ECPAS: variants seen among roughly 807,000 people sequenced by gnomAD.
ECPAS encodes proteasome adapter and scaffold protein ECM29.
A neutral mutation model predicts 255.1 loss-of-function variants in ECPAS; 70 were observed. The ratio of observed to expected loss-of-function variants is 0.27; its 90% CI spans 0.23 to 0.33. ECPAS has a LOEUF of 0.33. ECPAS is among the 10% of genes least tolerant of loss of function. The pLI, the probability that ECPAS is intolerant of heterozygous loss-of-function variation, is 1.00. For missense variants in ECPAS, 1,817 were observed against 2,206.4 expected (o/e 0.82, Z 3.54); for synonymous variants, 784 against 775.0 (o/e 1.01, Z -0.19).
intron 2 of ECPAS, among the ~76,000 whole-genome samples, chr9:111,456,979 A>G (rs2098267762): frequency 6.6e-6 from 1 of 152,256 alleles, no homozygotes; most frequent in Non-Finnish European, 1.5e-5. Context: ...AAAGTCTGAA[A>G]AAGGGAATGG....
chr9:111,375,673 A>G (rs1004772375), intron 37 of ECPAS, among the ~76,000 whole-genome samples: 8 of 152,168 alleles, frequency 5.3e-5, no homozygotes, highest in Non-Finnish European at 1.2e-4. Flanking sequence ...AATGAATATA[A>G]CTAAATGGTA....
intron 1 of ECPAS, among the ~76,000 whole-genome samples, chr9:111,479,393 C>T (rs764156138): frequency 6.6e-6 from 1 of 151,810 alleles, no homozygotes; most frequent in African/African-American, 2.4e-5. Flanking sequence ...GTCAGGAGGT[C>T]GAGACCAGCC....
intron 6 of ECPAS, among the ~76,000 whole-genome samples, chr9:111,437,998 T>C (rs1031199856): frequency 6.6e-5 from 10 of 152,220 alleles, no homozygotes; most frequent in Non-Finnish European, 1.3e-4. Context: ...GATAGGATAG[T>C]AAGTTATTCC....
chr9:111,381,327 C>G (rs886312289), intron 35 of ECPAS, among the ~76,000 whole-genome samples: 3 of 152,212 alleles, frequency 2.0e-5, no homozygotes, highest in Non-Finnish European at 2.9e-5. Context: ...GTGGAGCAAT[C>G]AGGACACACA....
At chr9:111,462,443 G>A (rs968360016) in intron 2 of ECPAS, among the ~76,000 whole-genome samples, 1 of 152,056 alleles carries the variant, frequency 6.6e-6, no homozygotes, top group East Asian at 1.9e-4. Flanking sequence ...ATGGAAGTAG[G>A]AGATACTAAA....
At position 111,420,852 on chromosome 9, in the gene ECPAS, A is replaced by C. The variant is rs143885333; in HGVS notation, c.1456-732T>G. ...TTTAGCAGTCCTTGAACTACATTAAAGAGTGAGGATATTAAAGACTAGCCT... is the reference window on the plus strand; with the variant it reads ...TTTAGCAGTCCTTGAACTACATTAACGAGTGAGGATATTAAAGACTAGCCT... On this transcript the variant is annotated intron_variant, in intron 15 of 49. Coordinates refer to ENST00000684092, the MANE Select transcript of ECPAS (RefSeq NM_001364929.1). Among the ~76,000 whole-genome samples, 293 of 152,310 alleles carry C rather than the reference A, an allele frequency of 1.9e-3. 1 individual carries two copies. Among genetic ancestry groups the C allele is most frequent in the African/African-American group, 6.8e-3 (283 of 41,568 alleles).
chr9:111,386,075 TG>T (rs2098147924), intron 32 of ECPAS, among the ~76,000 whole-genome samples: 1 of 152,218 alleles, frequency 6.6e-6, no homozygotes, highest in South Asian at 2.1e-4. Flanking sequence ...GCGATTCTCC[TG>T]CCTCAGCCTC....
intron 48 of ECPAS, among the ~76,000 whole-genome samples, chr9:111,364,101 G>A (rs2098117375): frequency 1.3e-5 from 2 of 152,134 alleles, no homozygotes; most frequent in Non-Finnish European, 2.9e-5. Flanking sequence ...AGGTCTGTTG[G>A]CTGCCTGTTC....
In ECPAS at chr9:111,375,098, GGAAAGTA is replaced by G. The variant is rs766022015; in HGVS notation, c.4110+8_4110+14del. On this transcript the variant is annotated splice_region_variant and intron_variant, in intron 38 of 49. Transcript: ENST00000684092. ...AATGAAGATGCACATTTCCTCTTGT[GGAAAGTA>G]CACTTACCTTAGTTCCAAGACCTAC... 1 of 1,585,882 alleles carries G rather than the reference GGAAAGTA, an allele frequency of 6.3e-7. No individual in the cohort carries two copies. Among genetic ancestry groups the G allele is most frequent in the East Asian group, 2.2e-5 (1 of 44,612 alleles).
At chr9:111,474,776 A>G (rs2098294201) in intron 1 of ECPAS, among the ~76,000 whole-genome samples, 1 of 152,220 alleles carries the variant, frequency 6.6e-6, no homozygotes, top group Non-Finnish European at 1.5e-5. Context: ...ACATACATTA[A>G]TCCTAACAAT....
At chr9:111,468,498 G>A (rs964254901) in intron 2 of ECPAS, among the ~76,000 whole-genome samples, 17 of 152,088 alleles carry the variant, frequency 1.1e-4, no homozygotes, top group Non-Finnish European at 2.1e-4. Context: ...AGTTACTGCC[G>A]AGAGAAGGAA....
rs189566157 is a variant in ECPAS, at chr9:111,404,443, C to A, written c.2652+4128G>T. 2.0e-5 allele frequency among the ~76,000 whole-genome samples: 3 copies of A among 149,290 alleles called. 1 individual carries two copies. Among genetic ancestry groups the A allele is most frequent in the East Asian group, 4.1e-4 (2 of 4,932 alleles). On this transcript the variant is annotated intron_variant, in intron 24 of 49. Transcript: ENST00000684092. Reference sequence around the variant, plus strand: ...GATATGCTTTGGATTTGTGTCCCTGCCCAAATCTCATGACTGAATCGTAAT... The same window carrying A: ...GATATGCTTTGGATTTGTGTCCCTGACCAAATCTCATGACTGAATCGTAAT...
intron 15 of ECPAS, 23 bp from the exon 16 acceptor site, chr9:111,420,143 C>A: frequency 6.7e-7 from 1 of 1,496,504 alleles, no homozygotes; most frequent in Non-Finnish European, 9.2e-7. Context: ...TAAACATACA[C>A]AGACCACCCC....
At chr9:111,364,726 T>C (rs1036963966) in intron 48 of ECPAS, among the ~76,000 whole-genome samples, 1 of 152,224 alleles carries the variant, frequency 6.6e-6, no homozygotes, top group East Asian at 1.9e-4. Flanking sequence ...AGAGAAAAAC[T>C]GATAGTACCT....
chr9:111,414,926 G>A (rs1351734642), intron 18 of ECPAS, among the ~76,000 whole-genome samples: 5 of 152,106 alleles, frequency 3.3e-5, no homozygotes, highest in African/African-American at 4.8e-5. Flanking sequence ...GCAAACTAAC[G>A]CAGGAACAGA....
At chr9:111,469,880 G>A (rs2098284787) in intron 2 of ECPAS, among the ~76,000 whole-genome samples, 1 of 152,010 alleles carries the variant, frequency 6.6e-6, no homozygotes, top group Non-Finnish European at 1.5e-5. Flanking sequence ...TTTGTAAAGA[G>A]TTACCCCCAT....
In ECPAS at chr9:111,394,095, T is replaced by A; in HGVS notation, c.2922+65A>T. 4.1e-6 allele frequency: 6 copies of A among 1,457,458 alleles called. No homozygotes were observed. The South Asian group carries it at 8.7e-5, about 21-fold the overall frequency. The allele number at this position is 1,457,458 out of a possible 1,614,324, so 90.3% of individuals were successfully genotyped here. A position where few individuals can be genotyped will look rare whatever the true frequency, so the allele number is the denominator to read the frequency against. Reference sequence around the variant, plus strand: ...TTGGTTAATGACCTTCACCCTCATATGCTTTCCTTGCTACTTATAATACTG... The same window carrying A: ...TTGGTTAATGACCTTCACCCTCATAAGCTTTCCTTGCTACTTATAATACTG... On this transcript the variant is annotated intron_variant, in intron 26 of 49. Transcript: ENST00000684092.
chr9:111,430,763 T>C, intron 8 of ECPAS, 135 bp from the exon 9 acceptor site: 1 of 674,078 alleles, frequency 1.5e-6, no homozygotes, highest in South Asian at 1.7e-5. Context: ...CAATTGACAT[T>C]GTAGAAGAGA....
intron 13 of ECPAS, among the ~76,000 whole-genome samples, chr9:111,422,627 G>T (rs930560288): frequency 6.6e-6 from 1 of 152,176 alleles, no homozygotes; most frequent in African/African-American, 2.4e-5. Flanking sequence ...GTAGAGAAGA[G>T]CAAGACCTGG....
Sources: gnomAD v4.1 joint callset for allele counts (sites outside exome capture counted in the v4.1 genomes callset) on GRCh38, gnomAD v4.1.1 for gene constraint, MANE v1.5 for transcripts, NCBI Gene and HGNC (gene_info 2026-07-23, HGNC 2026-07-21) for gene names.